ZNF831: variants seen among roughly 807,000 people sequenced by gnomAD.
The protein encoded by ZNF831 is chromosome 20 open reading frame 174.
ZNF831 carries 59 observed loss-of-function variants against 95.8 expected under a neutral mutation model. The observed-to-expected ratio is 0.62, with a 90% CI of 0.50 to 0.77. The LOEUF (loss-of-function observed/expected upper bound fraction) is 0.77. ZNF831 is among the 30% of genes least tolerant of loss of function. The probability of loss-of-function intolerance (pLI) is 0.00; values close to 1 mark genes in which losing one functional copy is unlikely to be tolerated. For synonymous variants in ZNF831, 961 were observed against 925.5 expected (o/e 1.04, Z -0.70); for missense variants, 2,205 against 2,164.0 (o/e 1.02, Z -0.38).
chr20:59,188,921 C>T lies in ZNF831; in HGVS notation c.-36-2063C>T, dbSNP rs113688131. Among the ~76,000 whole-genome samples, 5 of 152,246 alleles carry T rather than the reference C, an allele frequency of 3.3e-5. 1 individual carries two copies. Among genetic ancestry groups the T allele is most frequent in the African/African-American group, 9.6e-5 (4 of 41,534 alleles). On this transcript the variant is annotated intron_variant, in intron 1 of 5. Transcript: ENST00000371030. Reference sequence around the variant, plus strand: ...TGCAGCCGGGTGTGGTGGCTCATGCCTATAATCCCAGCACTTTGGGAGGCT... The same window carrying T: ...TGCAGCCGGGTGTGGTGGCTCATGCTTATAATCCCAGCACTTTGGGAGGCT...
rs77278490 is a variant in ZNF831 at position 59,189,920 on chromosome 20, G to A, written c.-36-1064G>A. On this transcript the variant is annotated intron_variant, in intron 1 of 5. Transcript: ENST00000371030. ...GGGATGGGTGAAATGTGCTTATGGA[G>A]CTCCTTGGTGATGGGTATCTGTGGA... Among the ~76,000 whole-genome samples, 981 of 152,340 alleles carry A rather than the reference G, an allele frequency of 6.4e-3. 10 individuals are homozygous for A. Among genetic ancestry groups the A allele is most frequent in the African/African-American group, 0.023 (938 of 41,574 alleles).
chr20:59,230,559 TA>T (rs1308758940), intron 4 of ZNF831, among the ~76,000 whole-genome samples: 1 of 152,212 alleles, frequency 6.6e-6, no homozygotes. Context: ...TATTTAAAGA[TA>T]AATGGACATG....
At position 59,258,981 on chromosome 20, in the gene ZNF831, C is replaced by T. The variant is rs557741239; in HGVS notation, c.*4238C>T. ...CGGAATGTCTTGTATATGCGGTCAA[C>T]TGTTCAGGATTTACTACTCAATTGG... On this transcript the variant is annotated 3_prime_UTR_variant, in exon 6 of 6. Transcript: ENST00000371030. The T allele has an allele frequency of 2.6e-5, 4 of 152,318 alleles. No homozygotes were observed. Among genetic ancestry groups the T allele is most frequent in the Non-Finnish European group, 5.9e-5 (4 of 68,024 alleles). The allele number at this position is 152,318 out of a possible 1,614,324, so 9.4% of individuals were successfully genotyped here.
At chr20:59,233,319 G>A (rs1842549918) in intron 4 of ZNF831, among the ~76,000 whole-genome samples, 1 of 152,096 alleles carries the variant, frequency 6.6e-6, no homozygotes, top group South Asian at 2.1e-4. Context: ...CATGGCCAAG[G>A]TGCACCATTT....
chr20:59,250,273 AG>A (rs1987819476), intron 4 of ZNF831, among the ~76,000 whole-genome samples: 1 of 152,140 alleles, frequency 6.6e-6, no homozygotes. Context: ...ACTGCATATG[AG>A]CCCCCAGAAT....
chr20:59,125,465 C>A (rs532594302), intron 1 of ZNF831, among the ~76,000 whole-genome samples: 3 of 152,260 alleles, frequency 2.0e-5, no homozygotes, highest in Non-Finnish European at 2.9e-5. Flanking sequence ...CGCAGCATCA[C>A]CCTCTGTTCC....
At chr20:59,177,814 C>T (rs1982296380) in intron 1 of ZNF831, among the ~76,000 whole-genome samples, 1 of 152,160 alleles carries the variant, frequency 6.6e-6, no homozygotes, top group Non-Finnish European at 1.5e-5. Context: ...CTAGGCACAC[C>T]ATCCCTAATG....
Position 59,194,492 on chromosome 20 carries a change from C to T in ZNF831, c.3473C>T (p.Thr1158Met), listed in dbSNP as rs759670265. The change falls in exon 2 of 6, where the codon ACG becomes ATG. Residue 1158 changes from threonine (T) to methionine (M), a missense_variant. Coordinates refer to ENST00000371030, the MANE Select transcript of ZNF831 (RefSeq NM_178457.3). ...PELALSSHSGTSRSHSTRSPH... is the reference protein window; with the variant it reads ...PELALSSHSGMSRSHSTRSPH... Reference sequence around the variant, plus strand: ...CTGGCCTTGTCTTCCCACTCAGGGACGTCCCGGAGCCACAGCACCCGCAGT... The same window carrying T: ...CTGGCCTTGTCTTCCCACTCAGGGATGTCCCGGAGCCACAGCACCCGCAGT... The T allele has an allele frequency of 4.2e-5, 68 of 1,611,868 alleles. No homozygotes were observed. Among genetic ancestry groups the T allele is most frequent in the East Asian group, 2.7e-4 (12 of 44,872 alleles).
At chr20:59,232,579 A>G (rs1338518685) in intron 4 of ZNF831, among the ~76,000 whole-genome samples, 2 of 152,152 alleles carry the variant, frequency 1.3e-5, no homozygotes, top group Non-Finnish European at 2.9e-5. Flanking sequence ...AGGAGAAAAC[A>G]TCTCTGTGCA....
At chr20:59,216,885 A>G (rs761129394) in intron 4 of ZNF831, among the ~76,000 whole-genome samples, 8 of 152,068 alleles carry the variant, frequency 5.3e-5, no homozygotes, top group Non-Finnish European at 1.0e-4. Context: ...AATTGGGGTA[A>G]ATAGAGTGGG....
chr20:59,173,507 G>T (rs1415493286), intron 1 of ZNF831, among the ~76,000 whole-genome samples: 4 of 152,264 alleles, frequency 2.6e-5, no homozygotes, highest in African/African-American at 9.6e-5. Context: ...CATCCCTTAT[G>T]GTCATCATTC....
At chr20:59,161,270 G>A (rs749047510), upstream of ZNF831, among the ~76,000 whole-genome samples, 21 of 147,852 alleles carry the variant, frequency 1.4e-4, no homozygotes, top group Non-Finnish European at 2.7e-4. Flanking sequence ...CACTCTCACT[G>A]TCTTTGTTTT....
At chr20:59,145,121 A>T (rs1272063757) in intron 1 of ZNF831, among the ~76,000 whole-genome samples, 1 of 152,202 alleles carries the variant, frequency 6.6e-6, no homozygotes, top group Non-Finnish European at 1.5e-5. Context: ...TCTCATGTTC[A>T]TTGATAACCA....
At chr20:59,245,530 G>A (rs2146736217) in intron 4 of ZNF831, among the ~76,000 whole-genome samples, 1 of 152,286 alleles carries the variant, frequency 6.6e-6, no homozygotes, top group East Asian at 1.9e-4. Flanking sequence ...ATTATTTGTT[G>A]CAGTGTGGGA....
At chr20:59,239,395 T>G (rs1987184471) in intron 4 of ZNF831, among the ~76,000 whole-genome samples, 1 of 152,256 alleles carries the variant, frequency 6.6e-6, no homozygotes, top group Non-Finnish European at 1.5e-5. Context: ...GATTTGAATT[T>G]AGTCATAACA....
intron 1 of ZNF831, among the ~76,000 whole-genome samples, chr20:59,176,907 A>G (rs1982211490): frequency 6.6e-6 from 1 of 152,284 alleles, no homozygotes; most frequent in Non-Finnish European, 1.5e-5. Flanking sequence ...CCTGCTAGGC[A>G]ATCACGAATC....
At chr20:59,236,983 C>T (rs543079166) in intron 4 of ZNF831, among the ~76,000 whole-genome samples, 6 of 152,210 alleles carry the variant, frequency 3.9e-5, no homozygotes, top group African/African-American at 1.2e-4. Flanking sequence ...CCACCTCATC[C>T]GGAACTCCAG....
chr20:59,239,912 AC>A (rs1987227280), intron 4 of ZNF831, among the ~76,000 whole-genome samples: 1 of 152,178 alleles, frequency 6.6e-6, no homozygotes, highest in Non-Finnish European at 1.5e-5. Flanking sequence ...GCACAGTCTT[AC>A]TTCTCCAGTT....
At chr20:59,231,344 A>C (rs1278281554) in intron 4 of ZNF831, among the ~76,000 whole-genome samples, 1 of 152,206 alleles carries the variant, frequency 6.6e-6, no homozygotes, top group Non-Finnish European at 1.5e-5. Context: ...GAAAGTCCAC[A>C]TGTGTTTTTC....
Sources: gnomAD v4.1 joint callset for allele counts (sites outside exome capture counted in the v4.1 genomes callset) on GRCh38, gnomAD v4.1.1 for gene constraint, MANE v1.5 for transcripts, NCBI Gene and HGNC (gene_info 2026-07-23, HGNC 2026-07-21) for gene names.